The following MACROD2 variants were observed in gnomAD, a reference collection of about 807,000 sequenced individuals.
The protein encoded by MACROD2 is mono-ADP ribosylhydrolase 2, also known as ADP-ribose glycohydrolase MACROD2.
A neutral mutation model predicts 70.4 loss-of-function variants in MACROD2; 36 were observed. That is an observed-to-expected ratio of 0.51 (90% CI 0.39 to 0.68). The LOEUF (loss-of-function observed/expected upper bound fraction) is 0.68, where lower values mean the gene tolerates loss of function less well. Among genes scored for constraint, MACROD2 ranks in the 30% least tolerant of loss-of-function variants. The pLI is 0.00. For missense variants in MACROD2, 496 were observed against 538.4 expected (o/e 0.92, Z 0.78); for synonymous variants, 172 against 178.8 (o/e 0.96, Z 0.30).
At chr20:14,339,146 G>A (rs931452694) in intron 3 of MACROD2, among the ~76,000 whole-genome samples, 33 of 152,276 alleles carry the variant, frequency 2.2e-4, no homozygotes, top group Admixed American at 2.0e-3. Context: ...TTTGATAACA[G>A]TTTGACCTGA....
At chr20:15,168,916 TATC>T (rs2076404612) in intron 5 of MACROD2, among the ~76,000 whole-genome samples, 1 of 152,102 alleles carries the variant, frequency 6.6e-6, no homozygotes, top group Admixed American at 6.6e-5. Context: ...GAAGGACAAA[TATC>T]ATATGATTCT....
intron 2 of MACROD2, among the ~76,000 whole-genome samples, chr20:14,033,137 T>G (rs948893737): frequency 1.1e-4 from 17 of 151,604 alleles, no homozygotes; most frequent in Non-Finnish European, 2.2e-4. Context: ...AATTTCTTTT[T>G]GTGTGGTAGG....
At chr20:14,528,955 A>G (rs6074751) in intron 4 of MACROD2, among the ~76,000 whole-genome samples, 143,449 of 152,204 alleles carry the variant, frequency 0.94, 68,169 homozygotes, top group East Asian at 1. Flanking sequence ...GCTTTTCAGT[A>G]TCTTTTCCTC....
intron 4 of MACROD2, among the ~76,000 whole-genome samples, chr20:14,675,980 T>A (rs2070856092): frequency 1.3e-5 from 2 of 152,076 alleles, no homozygotes; most frequent in Admixed American, 6.6e-5. Flanking sequence ...AAGGGATCAA[T>A]GCAACAAGAA....
intron 4 of MACROD2, among the ~76,000 whole-genome samples, chr20:14,665,793 T>A (rs985079497): frequency 2.6e-5 from 4 of 152,140 alleles, no homozygotes; most frequent in Non-Finnish European, 2.9e-5. Context: ...GTGGTTCAAA[T>A]TCTCCAGGGC....
At chr20:15,789,082 A>G (rs2051978027) in intron 8 of MACROD2, among the ~76,000 whole-genome samples, 1 of 152,242 alleles carries the variant, frequency 6.6e-6, no homozygotes, top group African/African-American at 2.4e-5. Flanking sequence ...AGATCAGCTC[A>G]GGACTTCTAC....
intron 8 of MACROD2, among the ~76,000 whole-genome samples, chr20:15,780,787 T>C (rs551241466): frequency 2.4e-4 from 36 of 152,052 alleles, no homozygotes; most frequent in Non-Finnish European, 4.9e-4. Flanking sequence ...AGATGCATTT[T>C]TGAGGGAAAA....
intron 7 of MACROD2, among the ~76,000 whole-genome samples, chr20:15,488,381 C>A (rs1475800202): frequency 1.3e-5 from 2 of 152,140 alleles, no homozygotes; most frequent in Non-Finnish European, 2.9e-5. Context: ...TGTTGAGCAC[C>A]TATTTTGCTT....
chr20:15,480,658 G>A (rs1332195886), intron 7 of MACROD2, among the ~76,000 whole-genome samples: 1 of 152,090 alleles, frequency 6.6e-6, no homozygotes, highest in Non-Finnish European at 1.5e-5. Context: ...AGGTTACCAG[G>A]AGGATGGGAC....
chr20:15,440,063 T>C (rs2046476247), intron 7 of MACROD2, among the ~76,000 whole-genome samples: 1 of 152,138 alleles, frequency 6.6e-6, no homozygotes, highest in Non-Finnish European at 1.5e-5. Context: ...ACATAATACA[T>C]GGCAATGGAA....
In MACROD2 at chr20:15,722,799, A is replaced by C. The variant is rs193264043; in HGVS notation, c.646-139946A>C. ...TAATATTCTATTTCAAGAGAATTTC[A>C]TAACTCTGAAGTCATGAGGCTATCA... is the stretch of plus-strand genomic sequence containing the variant. On this transcript the variant is annotated intron_variant, in intron 8 of 17. Transcript: ENST00000684519. Among the ~76,000 whole-genome samples, 5 of 152,178 alleles carry C rather than the reference A, an allele frequency of 3.3e-5. No homozygotes were observed. The East Asian group carries it at 9.6e-4, about 29-fold the overall frequency.
chr20:14,426,210 C>T (rs1458982264), intron 3 of MACROD2, among the ~76,000 whole-genome samples: 1 of 152,078 alleles, frequency 6.6e-6, no homozygotes, highest in East Asian at 1.9e-4. Flanking sequence ...ATCTACTGGA[C>T]TGGCCTTTCT....
At chr20:15,473,646 A>G (rs535967851) in intron 7 of MACROD2, among the ~76,000 whole-genome samples, 1 of 152,236 alleles carries the variant, frequency 6.6e-6, no homozygotes, top group South Asian at 2.1e-4. Context: ...AAGGAATTCT[A>G]CACTTGCATG....
intron 5 of MACROD2, among the ~76,000 whole-genome samples, chr20:14,854,889 G>T (rs1204895536): frequency 6.6e-6 from 1 of 152,016 alleles, no homozygotes; most frequent in Non-Finnish European, 1.5e-5. Flanking sequence ...GGTGGTGGAC[G>T]CCTGTAGTCC....
rs115449948 is a variant in MACROD2, at chr20:16,007,188, G to A, written c.1153+20030G>A. 4.4e-3 allele frequency among the ~76,000 whole-genome samples: 668 copies of A among 152,288 alleles called. 4 individuals carry two copies. The highest frequency in any genetic ancestry group is 0.016 in the African/African-American group (645 of 41,562). On this transcript the variant is annotated intron_variant, in intron 15 of 17. Transcript: ENST00000684519. ...GATATAAGCAGGGTGAACATTTTTG[G>A]TAGGTAAGACAGAAATGTAGCTGCA...
At chr20:14,706,274 A>G (rs894221824) in intron 5 of MACROD2, among the ~76,000 whole-genome samples, 2 of 151,802 alleles carry the variant, frequency 1.3e-5, no homozygotes, top group Non-Finnish European at 2.9e-5. Context: ...AGATGATGCC[A>G]CTGCACTCCA....
chr20:14,739,274 C>T (rs2071705032), intron 5 of MACROD2, among the ~76,000 whole-genome samples: 1 of 151,834 alleles, frequency 6.6e-6, no homozygotes, highest in Non-Finnish European at 1.5e-5. Flanking sequence ...TCTTTAAGTA[C>T]TGATCTAGAA....
intron 5 of MACROD2, among the ~76,000 whole-genome samples, chr20:14,832,267 A>G (rs1033534118): frequency 1.3e-5 from 2 of 151,670 alleles, no homozygotes; most frequent in Admixed American, 1.3e-4. Context: ...GAGTTCTTTA[A>G]CTACTTGATC....
intron 5 of MACROD2, among the ~76,000 whole-genome samples, chr20:15,121,496 A>G (rs2076029984): frequency 7.0e-6 from 1 of 142,640 alleles, no homozygotes; most frequent in Non-Finnish European, 1.5e-5. Context: ...CTAGGCAACA[A>G]GAGTGAAACT....
Sources: allele counts gnomAD v4.1 joint callset (sites outside exome capture counted in the v4.1 genomes callset), GRCh38; gene constraint gnomAD v4.1.1; transcripts MANE v1.5; gene names NCBI Gene and HGNC (gene_info 2026-07-23, HGNC 2026-07-21).